PRTFDC1: variants seen among roughly 807,000 people sequenced by gnomAD.
The protein encoded by PRTFDC1 is phosphoribosyltransferase domain-containing protein 1.
Under a neutral mutation model 34.6 loss-of-function variants are expected in PRTFDC1, and 38 were observed. The observed-to-expected ratio is 1.10, with a 90% CI of 0.85 to 1.44. PRTFDC1 has a LOEUF of 1.44. Among genes scored for constraint, PRTFDC1 ranks in the 40% most tolerant of loss-of-function variants. The pLI, the probability that PRTFDC1 is intolerant of heterozygous loss-of-function variation, is 0.00. For missense variants in PRTFDC1, 270 were observed against 283.0 expected (o/e 0.95, Z 0.33); for synonymous variants, 93 against 98.1 (o/e 0.95, Z 0.31).
At chr10:24,850,737 G>A (rs560589764) in intron 8 of PRTFDC1, among the ~76,000 whole-genome samples, 1 of 152,250 alleles carries the variant, frequency 6.6e-6, no homozygotes, top group East Asian at 1.9e-4. Flanking sequence ...GCAGGAACAA[G>A]GGCAGCTCCA....
intron 3 of PRTFDC1, among the ~76,000 whole-genome samples, chr10:24,897,477 C>T (rs1002705327): frequency 1.3e-5 from 2 of 152,144 alleles, no homozygotes; most frequent in African/African-American, 4.8e-5. Flanking sequence ...AAAAATGAGG[C>T]AATGTGATGT....
At chr10:24,895,267 T>TTTTTTC in intron 3 of PRTFDC1, among the ~76,000 whole-genome samples, 1 of 146,844 alleles carries the variant, frequency 6.8e-6, no homozygotes, top group Non-Finnish European at 1.5e-5. Context: ...TTTTTTTTTT[T>TTTTTTC]TTTGAGATGG....
chr10:24,892,105 T>C (rs1187041960), intron 3 of PRTFDC1, among the ~76,000 whole-genome samples: 1 of 152,204 alleles, frequency 6.6e-6, no homozygotes, highest in African/African-American at 2.4e-5. Context: ...ACTGATTTTG[T>C]TTCCTTTGGA....
At chr10:24,926,579 G>A (rs1191613914) in intron 3 of PRTFDC1, among the ~76,000 whole-genome samples, 1 of 152,162 alleles carries the variant, frequency 6.6e-6, no homozygotes, top group African/African-American at 2.4e-5. Context: ...GAACTCCGGA[G>A]CTGAAGTGAT....
intron 3 of PRTFDC1, among the ~76,000 whole-genome samples, chr10:24,901,054 C>T (rs542521907): frequency 7.9e-5 from 12 of 152,270 alleles, no homozygotes; most frequent in African/African-American, 2.2e-4. Context: ...GGAAATGTGT[C>T]TAGTTTTCTC....
intron 3 of PRTFDC1, among the ~76,000 whole-genome samples, chr10:24,900,424 C>T: frequency 6.6e-6 from 1 of 152,208 alleles, no homozygotes; most frequent in East Asian, 1.9e-4. Context: ...CCTTAGGTAA[C>T]TTAGAACTTT....
At chr10:24,887,002 C>T (rs1162906912) in intron 3 of PRTFDC1, among the ~76,000 whole-genome samples, 23 of 126,922 alleles carry the variant, frequency 1.8e-4, no homozygotes, top group African/African-American at 6.1e-4. Context: ...CTCGCTCTGT[C>T]GCCCAGGTCG....
At chr10:24,904,389 A>T (rs9971228) in intron 3 of PRTFDC1, among the ~76,000 whole-genome samples, 47,820 of 152,088 alleles carry the variant, frequency 0.31, 8,490 homozygotes, top group Non-Finnish European at 0.41. Context: ...ACATTAATGT[A>T]TATCTTTATT....
chr10:24,938,462 C>A (rs1016767731), intron 2 of PRTFDC1, among the ~76,000 whole-genome samples: 1 of 152,150 alleles, frequency 6.6e-6, no homozygotes, highest in African/African-American at 2.4e-5. Flanking sequence ...GCTCTTATTA[C>A]CCCCCAGCCC....
intron 3 of PRTFDC1, among the ~76,000 whole-genome samples, chr10:24,887,593 C>T (rs951731795): frequency 1.3e-5 from 2 of 152,026 alleles, no homozygotes; most frequent in Non-Finnish European, 2.9e-5. Flanking sequence ...GTGAGTCAAA[C>T]CTCTTTCCTT....
chr10:24,855,403 A>G (rs1847556631), intron 6 of PRTFDC1, 39 bp from the exon 7 acceptor site: 1 of 1,599,992 alleles, frequency 6.3e-7, no homozygotes, highest in African/African-American at 1.3e-5. Context: ...AACCCAATCA[A>G]ATCTCTATGA....
At chr10:24,916,004 T>C (rs1848688758) in intron 3 of PRTFDC1, among the ~76,000 whole-genome samples, 1 of 152,092 alleles carries the variant, frequency 6.6e-6, no homozygotes, top group Non-Finnish European at 1.5e-5. Context: ...GGAGGAAAAA[T>C]ATTCCAAAAC....
intron 4 of PRTFDC1, among the ~76,000 whole-genome samples, chr10:24,860,973 C>A (rs2132497055): frequency 6.6e-6 from 1 of 152,318 alleles, no homozygotes; most frequent in East Asian, 1.9e-4. Context: ...TGTTAGTCTG[C>A]ATTCCTGCCT....
intron 3 of PRTFDC1, among the ~76,000 whole-genome samples, chr10:24,891,788 T>C (rs115778007): frequency 0.015 from 2,236 of 152,066 alleles, 51 homozygotes; most frequent in African/African-American, 0.051. Context: ...AGACAAAATA[T>C]ATGAAACAAC....
At chr10:24,929,040 C>CAAAA (rs536613455) in intron 3 of PRTFDC1, among the ~76,000 whole-genome samples, 2,136 of 73,236 alleles carry the variant, frequency 0.029, 219 homozygotes, top group East Asian at 0.13. Flanking sequence ...GACTCCGTCT[C>CAAAA]AAAAAAAAAA....
chr10:24,874,992 T>A (rs745664339), intron 3 of PRTFDC1, among the ~76,000 whole-genome samples: 2 of 152,208 alleles, frequency 1.3e-5, no homozygotes, highest in African/African-American at 2.4e-5. Context: ...CCTGCCATCA[T>A]GTGAAGAAGG....
chr10:24,906,564 G>A (rs991476850), intron 3 of PRTFDC1, among the ~76,000 whole-genome samples: 71 of 152,268 alleles, frequency 4.7e-4, no homozygotes, highest in African/African-American at 1.7e-3. Flanking sequence ...CTTACCATGT[G>A]GAACAAAGAG....
Position 24,952,534 on chromosome 10 carries a change from G to T in PRTFDC1, c.42C>A (p.Gly14=). The change falls in exon 1 of 9, where the codon GGC becomes GGA. Residue 14 remains glycine (G), a synonymous_variant. Transcript: ENST00000320152. The surrounding 1 kb of genome is among the most constrained non-coding windows in gnomAD (Gnocchi z 5.1). The part of the protein sequence containing the change: ...SSEEAPDYGR[G]VVIMDDWPGY... Reference sequence around the variant, plus strand: ...ATAGGGAGTTTGCATTTACCACGACGCCTCGCCCGTAGTCTGGCGCCTCCT... The same window carrying T: ...ATAGGGAGTTTGCATTTACCACGACTCCTCGCCCGTAGTCTGGCGCCTCCT... 1 of 1,588,586 alleles carries T rather than the reference G, an allele frequency of 6.3e-7. No individual in the cohort carries two copies. The highest frequency in any genetic ancestry group is 8.6e-7 in the Non-Finnish European group (1 of 1,167,176).
intron 3 of PRTFDC1, among the ~76,000 whole-genome samples, chr10:24,892,582 T>C (rs1848283391): frequency 6.6e-6 from 1 of 152,158 alleles, no homozygotes; most frequent in East Asian, 1.9e-4. Flanking sequence ...AATCTTTTCC[T>C]GATTCTTACG....
Sources: gnomAD v4.1 joint callset for allele counts (sites outside exome capture counted in the v4.1 genomes callset) on GRCh38, gnomAD v4.1.1 for gene constraint, Gnocchi (gnomAD v3.1) non-coding constraint, MANE v1.5 for transcripts, NCBI Gene and HGNC (gene_info 2026-07-23, HGNC 2026-07-21) for gene names.